The following CHODL variants were observed in gnomAD, a reference collection of about 807,000 sequenced individuals.
CHODL encodes the protein transmembrane protein MT75.
In CHODL, 29 loss-of-function variants were observed where a neutral mutation model predicts 34.5. That is an observed-to-expected ratio of 0.84 (90% CI 0.63 to 1.15). The LOEUF (loss-of-function observed/expected upper bound fraction) is 1.15, where lower values mean the gene tolerates loss of function less well. Among genes scored for constraint, CHODL ranks in the 50% most tolerant of loss-of-function variants. The pLI, the probability that CHODL is intolerant of heterozygous loss-of-function variation, is 0.00. For synonymous variants in CHODL, 125 were observed against 116.1 expected (o/e 1.08, Z -0.49); for missense variants, 332 against 332.5 (o/e 1.00, Z 0.01).
chr21:18,082,919 A>G (rs76314035), intron 2 of CHODL, among the ~76,000 whole-genome samples: 3 of 138,820 alleles, frequency 2.2e-5, no homozygotes, highest in African/African-American at 8.2e-5. Context: ...ATGTAGGAGG[A>G]AAAAAAAAAA....
chr21:17,925,401 GCTGA>G (rs1391879216), intron 1 of CHODL, among the ~76,000 whole-genome samples: 5 of 152,186 alleles, frequency 3.3e-5, no homozygotes, highest in Non-Finnish European at 7.3e-5. Context: ...TTTCCTGATA[GCTGA>G]CTTTCATGCT....
chr21:18,013,796 G>A (rs971901211), intron 1 of CHODL, among the ~76,000 whole-genome samples: 1 of 151,450 alleles, frequency 6.6e-6, no homozygotes, highest in Non-Finnish European at 1.5e-5. Context: ...CACCACACCT[G>A]GCTAATTTTT....
intron 1 of CHODL, among the ~76,000 whole-genome samples, chr21:17,953,958 G>A (rs1254484568): frequency 6.6e-6 from 1 of 151,818 alleles, no homozygotes; most frequent in African/African-American, 2.4e-5. Flanking sequence ...TGCATGAGCT[G>A]AGACTGTGCC....
chr21:17,918,367 AAG>A (rs1471858935), intron 1 of CHODL, among the ~76,000 whole-genome samples: 3 of 152,190 alleles, frequency 2.0e-5, no homozygotes, highest in Non-Finnish European at 4.4e-5. Context: ...TTACAAAAGA[AAG>A]AGATTTAATG....
intron 1 of CHODL, among the ~76,000 whole-genome samples, chr21:17,956,976 G>T (rs914765309): frequency 2.6e-5 from 4 of 151,928 alleles, no homozygotes; most frequent in African/African-American, 9.7e-5. Context: ...ACTGAGTAAA[G>T]AAGGTTGTCC....
intron 2 of CHODL, among the ~76,000 whole-genome samples, chr21:18,093,964 A>C (rs1466951118): frequency 1.3e-5 from 2 of 152,216 alleles, no homozygotes; most frequent in East Asian, 3.9e-4. Context: ...CCAATGATCT[A>C]TGCTTACAGG....
chr21:17,953,115 A>G (rs1601002466), intron 1 of CHODL, among the ~76,000 whole-genome samples: 1 of 152,320 alleles, frequency 6.6e-6, no homozygotes, highest in East Asian at 1.9e-4. Context: ...AAGCAATAAT[A>G]AAATAATATA....
At chr21:18,006,106 A>T (rs1298519306) in intron 1 of CHODL, among the ~76,000 whole-genome samples, 2 of 152,120 alleles carry the variant, frequency 1.3e-5, no homozygotes, top group Non-Finnish European at 2.9e-5. Context: ...TCCACGCAAG[A>T]TGTGACTTGC....
chr21:18,059,638 G>A, intron 2 of CHODL, among the ~76,000 whole-genome samples: 1 of 151,790 alleles, frequency 6.6e-6, no homozygotes. Flanking sequence ...TCTTCCTGAT[G>A]CTCTCCCTCC....
chr21:18,099,945 A>T (rs994426437), intron 2 of CHODL: 2 of 152,148 alleles, frequency 1.3e-5, no homozygotes, highest in Non-Finnish European at 2.9e-5. Context: ...GCACAGGTAG[A>T]TGGAGGGGTC....
rs750254375 is a variant in CHODL at position 18,262,893 on chromosome 21, G to T, written c.737G>T (p.Ser246Ile). The T allele has an allele frequency of 6.5e-7, 1 of 1,549,280 alleles. No individual in the cohort carries two copies. Among genetic ancestry groups the T allele is most frequent in the Non-Finnish European group, 8.9e-7 (1 of 1,122,144 alleles). The change falls in exon 5 of 6, where the codon AGT becomes ATT. Residue 246 changes from serine to isoleucine, a missense_variant and splice_region_variant. Physicochemically the swap from Ser to Ile is moderately radical, Grantham distance 142 (BLOSUM62 -2). Transcript: ENST00000299295. ...TGTTGTTTCCAGATGCTGCATAAAA[G>T]GTAAATAACTCATATATGTAGAGAC... ...GTCCFQMLHK[S>I]KGRTKTSPNQ...
At chr21:18,134,334 G>A (rs2824646) in intron 2 of CHODL, 303,349 of 516,068 alleles carry the variant, frequency 0.59, 93,078 homozygotes, top group Non-Finnish European at 0.68. Flanking sequence ...ATAAACAGTG[G>A]TGACTTCACT....
chr21:18,239,309 C>G (rs2074059065), intron 2 of CHODL, among the ~76,000 whole-genome samples: 1 of 152,036 alleles, frequency 6.6e-6, no homozygotes, highest in African/African-American at 2.4e-5. Flanking sequence ...TTCTATATTG[C>G]TGTCCTGCAT....
At chr21:17,986,424 C>T (rs574527946) in intron 1 of CHODL, among the ~76,000 whole-genome samples, 2 of 151,880 alleles carry the variant, frequency 1.3e-5, no homozygotes, top group African/African-American at 2.4e-5. Flanking sequence ...GTTTGGTTTT[C>T]GGATCTTGTG....
At chr21:18,177,715 C>T (rs1356988674) in intron 2 of CHODL, among the ~76,000 whole-genome samples, 1 of 152,000 alleles carries the variant, frequency 6.6e-6, no homozygotes, top group African/African-American at 2.4e-5. Context: ...AAATTTTGTT[C>T]ACTTTAAGAT....
At chr21:18,002,546 T>G (rs2063916435) in intron 1 of CHODL, among the ~76,000 whole-genome samples, 1 of 152,236 alleles carries the variant, frequency 6.6e-6, no homozygotes. Flanking sequence ...AGTATATGAT[T>G]CATCCTGATT....
At chr21:18,049,190 G>A (rs1042969697) in intron 2 of CHODL, among the ~76,000 whole-genome samples, 2 of 151,910 alleles carry the variant, frequency 1.3e-5, no homozygotes, top group African/African-American at 2.4e-5. Flanking sequence ...ATTACCAGTT[G>A]AATGAGGGAA....
chr21:18,144,772 TATC>T (rs929784785), intron 2 of CHODL, among the ~76,000 whole-genome samples: 69 of 151,908 alleles, frequency 4.5e-4, no homozygotes, highest in African/African-American at 1.7e-3. Flanking sequence ...CTTTCTATGG[TATC>T]ATTGAATTCA....
At chr21:18,252,947 A>G (rs1273323699) in intron 1 of CHODL, among the ~76,000 whole-genome samples, 1 of 152,172 alleles carries the variant, frequency 6.6e-6, no homozygotes, top group Non-Finnish European at 1.5e-5. Context: ...CAAGCTGTCT[A>G]TCGTCCAGGG....
Sources: gnomAD v4.1 joint callset for allele counts (sites outside exome capture counted in the v4.1 genomes callset) on GRCh38, gnomAD v4.1.1 for gene constraint, MANE v1.5 for transcripts, NCBI Gene and HGNC (gene_info 2026-07-23, HGNC 2026-07-21) for gene names.